DGKK: variants seen among roughly 807,000 people sequenced by gnomAD.
DGKK encodes diacylglycerol kinase kappa, also known as 142 kDa diacylglycerol kinase.
A neutral mutation model predicts 92.2 loss-of-function variants in DGKK; 35 were observed. The observed-to-expected ratio is 0.38, with a 90% CI of 0.29 to 0.50. The LOEUF is 0.50. DGKK is among the 20% of genes least tolerant of loss of function. The pLI, the probability that DGKK is intolerant of heterozygous loss-of-function variation, is 0.92. For synonymous variants in DGKK, 368 were observed against 360.6 expected, an observed-to-expected ratio of 1.02 and a Z score of -0.23; for missense variants, 910 against 992.2, an observed-to-expected ratio of 0.92 and a Z score of 1.11.
Position 50,368,881 on chromosome X carries a change from G to T in DGKK, c.*59C>A. The T allele has an allele frequency of 9.7e-7, 1 of 1,035,960 alleles. No individual in the cohort carries two copies. The highest frequency in any genetic ancestry group is 1.3e-6 in the Non-Finnish European group (1 of 744,784). 85.4% of individuals were successfully genotyped at this position (1,035,960 alleles called of 1,213,427 possible). On this transcript the variant is annotated 3_prime_UTR_variant, in exon 28 of 28. Transcript: ENST00000611977. The stretch of plus-strand genomic sequence containing the variant: ...ATGATTTAGTCTAGCCTGTATTGAG[G>T]TTTTGAGAGTTTTTTTAGTAGAATT...
At chrX:50,376,731 G>T in intron 23 of DGKK, 27 bp downstream of exon 23, 1 of 1,136,636 alleles carries the variant, frequency 8.8e-7, no homozygotes, top group Non-Finnish European at 1.2e-6. Flanking sequence ...AGGATTCTCA[G>T]CCCTGTATCT....
intron 1 of DGKK, among the ~76,000 whole-genome samples, chrX:50,445,680 G>A (rs1339864000): frequency 1.8e-5 from 2 of 111,345 alleles, no homozygotes; most frequent in Non-Finnish European, 1.9e-5. Flanking sequence ...TTTGGTTACT[G>A]TAGCCCTTTA....
At chrX:50,380,960 G>GA (rs1924398882) in intron 18 of DGKK, among the ~76,000 whole-genome samples, 1 of 111,532 alleles carries the variant, frequency 9.0e-6, no homozygotes, top group African/African-American at 3.3e-5. Context: ...AACCAATTCT[G>GA]AAAAAAAGAA....
intron 1 of DGKK, among the ~76,000 whole-genome samples, chrX:50,454,164 A>G (rs1235420855): frequency 9.0e-6 from 1 of 110,810 alleles, no homozygotes; most frequent in African/African-American, 3.3e-5. Flanking sequence ...AGTCTACCCC[A>G]TCTTGCTAGG....
Position 50,393,242 on chromosome X carries a change from T to C in DGKK, c.1505A>G (p.Asp502Gly). 8.3e-7 allele frequency: 1 copy of C among 1,209,934 alleles called. No homozygotes were observed. The highest frequency in any genetic ancestry group is 1.1e-6 in the Non-Finnish European group (1 of 894,390). ...LLIFINSKSG[D>G]HQGIVFLRKF... Reference sequence around the variant, plus strand: ...TCGGAGGAAGACGATCCCCTGATGATCGCCACTTTTGGAGTTGATGAAGAT... The same window carrying C: ...TCGGAGGAAGACGATCCCCTGATGACCGCCACTTTTGGAGTTGATGAAGAT... The change falls in exon 9 of 28, where the codon GAT becomes GGT. Residue 502 changes from aspartate to glycine, a missense_variant. By Grantham distance (94) the Asp-to-Gly change is moderately conservative (BLOSUM62 -1). Transcript: ENST00000611977.
chrX:50,433,441 C>T (rs1195926892), intron 1 of DGKK, among the ~76,000 whole-genome samples: 1 of 111,693 alleles, frequency 9.0e-6, no homozygotes, highest in Non-Finnish European at 1.9e-5. Context: ...CCTATAACTG[C>T]AGCCATTGAG....
intron 1 of DGKK, among the ~76,000 whole-genome samples, chrX:50,429,529 C>CA (rs782423706): frequency 3.5e-3 from 373 of 107,882 alleles, no homozygotes; most frequent in Non-Finnish European, 4.9e-3. Context: ...ACTAAAAATA[C>CA]AAAAAAAAAA....
intron 1 of DGKK, among the ~76,000 whole-genome samples, chrX:50,454,024 A>G (rs1388269263): frequency 9.1e-6 from 1 of 109,801 alleles, no homozygotes; most frequent in Non-Finnish European, 1.9e-5. Flanking sequence ...AGAAAAAAAC[A>G]GTTTTCCCAT....
chrX:50,374,812 C>A lies in DGKK; in HGVS notation c.3501+159G>T, dbSNP rs937234264. Among the ~76,000 whole-genome samples the A allele has an allele frequency of 2.7e-5, 3 of 110,880 alleles. No homozygotes were observed. In the Admixed American group the frequency reaches 2.9e-4, roughly 11 times the overall value. ...GATTAGCATAACCCATGAAGTCATACAACCAACAACAATCCTAGGTGACAC... is the reference window on the plus strand; with the variant it reads ...GATTAGCATAACCCATGAAGTCATAAAACCAACAACAATCCTAGGTGACAC... On this transcript the variant is annotated intron_variant, in intron 25 of 27. Coordinates refer to ENST00000611977, the MANE Select transcript of DGKK (RefSeq NM_001013742.4).
chrX:50,427,034 CA>C (rs781950572), intron 1 of DGKK, among the ~76,000 whole-genome samples: 168 of 111,965 alleles, frequency 1.5e-3, no homozygotes, highest in African/African-American at 5.1e-3. Context: ...TATGTCCACA[CA>C]AAAACCTGCA....
At chrX:50,424,030 G>A (rs781889314) in intron 2 of DGKK, among the ~76,000 whole-genome samples, 1 of 111,261 alleles carries the variant, frequency 9.0e-6, no homozygotes, top group Non-Finnish European at 1.9e-5. Flanking sequence ...GGGTGCAGAA[G>A]CTAGCTGGGA....
chrX:50,463,460 C>A (rs140101945), intron 1 of DGKK, among the ~76,000 whole-genome samples: 1 of 103,465 alleles, frequency 9.7e-6, no homozygotes, highest in East Asian at 3.1e-4. Context: ...TCCCTACCTG[C>A]TCCTACCTTC....
chrX:50,425,691 T>C (rs1925721008), intron 1 of DGKK, among the ~76,000 whole-genome samples: 1 of 111,684 alleles, frequency 9.0e-6, no homozygotes, highest in Admixed American at 9.5e-5. Flanking sequence ...GCCCTCTTCA[T>C]AGCTTATGGG....
chrX:50,378,511 A>G, intron 21 of DGKK, 67 bp downstream of exon 21: 6 of 965,033 alleles, frequency 6.2e-6, no homozygotes, highest in South Asian at 2.1e-5. Context: ...TCCTGGGACT[A>G]TCCCACATCC....
chrX:50,458,981 T>G (rs1926677513), intron 1 of DGKK, among the ~76,000 whole-genome samples: 1 of 111,595 alleles, frequency 9.0e-6, no homozygotes, highest in Non-Finnish European at 1.9e-5. Flanking sequence ...CTCAAACAAC[T>G]TCTTCATTTT....
chrX:50,423,789 G>A (rs1925663826), intron 2 of DGKK, among the ~76,000 whole-genome samples: 1 of 111,977 alleles, frequency 8.9e-6, no homozygotes, highest in African/African-American at 3.2e-5. Flanking sequence ...GTTGTATAGT[G>A]TGCAGATAAA....
intron 4 of DGKK, among the ~76,000 whole-genome samples, chrX:50,406,355 G>A (rs782202727): frequency 1.8e-5 from 2 of 111,882 alleles, no homozygotes; most frequent in East Asian, 5.6e-4. Flanking sequence ...TATGTGTGGC[G>A]ATTGAACTGT....
chrX:50,466,438 GA>G (rs1216339095), intron 1 of DGKK, among the ~76,000 whole-genome samples: 2 of 111,439 alleles, frequency 1.8e-5, no homozygotes, highest in Non-Finnish European at 3.8e-5. Context: ...GACTGCATGG[GA>G]TAAGGACACT....
intron 13 of DGKK, 135 bp from the exon 14 acceptor site, chrX:50,387,788 CA>C (rs1329663612): frequency 1.5e-5 from 7 of 451,616 alleles, no homozygotes; most frequent in Non-Finnish European, 1.8e-5. Flanking sequence ...CCTCTGCTCC[CA>C]GCCTTTTTCT....
Sources: gnomAD v4.1 joint callset for allele counts (sites outside exome capture counted in the v4.1 genomes callset) on GRCh38, gnomAD v4.1.1 for gene constraint, MANE v1.5 for transcripts, NCBI Gene and HGNC (gene_info 2026-07-23, HGNC 2026-07-21) for gene names.